Variants in ROBO2 observed in about 807,000 individuals in gnomAD.
ROBO2 encodes roundabout guidance receptor 2.
A neutral mutation model predicts 160.8 loss-of-function variants in ROBO2; 53 were observed. The observed-to-expected ratio is 0.33, with a 90% CI of 0.26 to 0.41. The LOEUF (loss-of-function observed/expected upper bound fraction) is 0.41, where lower values mean the gene tolerates loss of function less well. ROBO2 is among the 10% of genes least tolerant of loss of function. The pLI is 1.00. For synonymous variants in ROBO2, 664 were observed against 611.7 expected, an observed-to-expected ratio of 1.09 and a Z score of -1.26; for missense variants, 1,577 against 1,722.4, an observed-to-expected ratio of 0.92 and a Z score of 1.49.
At chr3:77,074,605 G>A (rs1157676563) in intron 1 of ROBO2, among the ~76,000 whole-genome samples, 2 of 152,140 alleles carry the variant, frequency 1.3e-5, no homozygotes, top group African/African-American at 4.8e-5. Flanking sequence ...TGTCCTGGGT[G>A]AATTCATGAC....
At chr3:76,105,689 T>G (rs1490544174) in intron 2 of ROBO2, among the ~76,000 whole-genome samples, 1 of 152,080 alleles carries the variant, frequency 6.6e-6, no homozygotes, top group Non-Finnish European at 1.5e-5. Flanking sequence ...TAGAGTAACC[T>G]ACACGTTCAT....
At chr3:77,436,966 C>T (rs2079355025) in intron 2 of ROBO2, among the ~76,000 whole-genome samples, 2 of 151,958 alleles carry the variant, frequency 1.3e-5, no homozygotes, top group Admixed American at 1.3e-4. Context: ...TCTGTAATAG[C>T]AATCTTTGGA....
intron 2 of ROBO2, among the ~76,000 whole-genome samples, chr3:76,905,935 G>C (rs181762143): frequency 6.6e-6 from 1 of 151,966 alleles, no homozygotes; most frequent in Non-Finnish European, 1.5e-5. Context: ...TCTCTTAATG[G>C]CTTTATTTTT....
At chr3:77,423,076 T>C (rs1401609064) in intron 2 of ROBO2, among the ~76,000 whole-genome samples, 1 of 152,158 alleles carries the variant, frequency 6.6e-6, no homozygotes, top group Non-Finnish European at 1.5e-5. Context: ...TATAATGCTG[T>C]GCTAATATAA....
At chr3:77,207,212 T>G (rs535140291) in intron 2 of ROBO2, among the ~76,000 whole-genome samples, 2 of 152,330 alleles carry the variant, frequency 1.3e-5, no homozygotes, top group African/African-American at 4.8e-5. Flanking sequence ...ATCGTCTCTC[T>G]TATAAGAGAT....
At chr3:76,399,230 A>G (rs185028158) in intron 2 of ROBO2, among the ~76,000 whole-genome samples, 1 of 151,886 alleles carries the variant, frequency 6.6e-6, no homozygotes, top group African/African-American at 2.4e-5. Flanking sequence ...TGGGTAGTAA[A>G]TAAGATAAGT....
In ROBO2 at chr3:75,920,604, A is replaced by C. The variant is rs527686099; in HGVS notation, c.-14+13644A>C. 2.2e-4 allele frequency among the ~76,000 whole-genome samples: 33 copies of C among 152,148 alleles called. 1 individual carries two copies. The South Asian group carries it at 6.9e-3, about 32-fold the overall frequency. Reference sequence around the variant, plus strand: ...TCCTTGTTAATTTCCTGTCCTGTTGATCTGTCTAATATTGATAGTGGGTTG... The same window carrying C: ...TCCTTGTTAATTTCCTGTCCTGTTGCTCTGTCTAATATTGATAGTGGGTTG... On this transcript the variant is annotated intron_variant, in intron 1 of 26. Transcript: ENST00000487694.
At chr3:76,624,128 G>C (rs1009090959) in intron 2 of ROBO2, among the ~76,000 whole-genome samples, 2 of 151,942 alleles carry the variant, frequency 1.3e-5, no homozygotes, top group Non-Finnish European at 2.9e-5. Flanking sequence ...AATTGTGTAA[G>C]AATTAACTGC....
At chr3:77,127,850 G>A (rs1222178986) in intron 2 of ROBO2, among the ~76,000 whole-genome samples, 1 of 152,138 alleles carries the variant, frequency 6.6e-6, no homozygotes, top group African/African-American at 2.4e-5. Context: ...GTGTGTTGAG[G>A]TGAAAGACCA....
chr3:76,358,229 G>T (rs1350356011), intron 2 of ROBO2, among the ~76,000 whole-genome samples: 1 of 151,896 alleles, frequency 6.6e-6, no homozygotes, highest in African/African-American at 2.4e-5. Flanking sequence ...GCATATCCTA[G>T]AGATTTGCTT....
chr3:76,818,822 A>G (rs182734429), intron 2 of ROBO2, among the ~76,000 whole-genome samples: 1 of 152,054 alleles, frequency 6.6e-6, no homozygotes, highest in East Asian at 1.9e-4. Context: ...CCATGTGCCT[A>G]TTTTTATATC....
At chr3:77,573,210 C>CG (rs1354859837) in intron 13 of ROBO2, among the ~76,000 whole-genome samples, 10 of 151,886 alleles carry the variant, frequency 6.6e-5, no homozygotes, top group Admixed American at 6.6e-4. Context: ...AAAAACATGA[C>CG]AAAGTATTAA....
intron 2 of ROBO2, among the ~76,000 whole-genome samples, chr3:76,382,157 G>T (rs781741607): frequency 6.6e-6 from 1 of 152,098 alleles, no homozygotes; most frequent in Admixed American, 6.5e-5. Context: ...TGGTAGAAAC[G>T]AGGTTTTGCC....
At chr3:76,619,858 T>C (rs533741433) in intron 2 of ROBO2, among the ~76,000 whole-genome samples, 1 of 152,302 alleles carries the variant, frequency 6.6e-6, no homozygotes, top group Admixed American at 6.5e-5. Context: ...AAACAGTTCT[T>C]TTTCCTGATT....
chr3:75,962,392 A>T (rs942731097), intron 2 of ROBO2, among the ~76,000 whole-genome samples: 2 of 151,852 alleles, frequency 1.3e-5, no homozygotes, highest in Admixed American at 1.3e-4. Context: ...GTCAATGGAA[A>T]GAATATGACC....
chr3:76,814,113 C>A (rs1182524330), intron 2 of ROBO2, among the ~76,000 whole-genome samples: 1 of 152,006 alleles, frequency 6.6e-6, no homozygotes, highest in Non-Finnish European at 1.5e-5. Context: ...AAATTAAAAA[C>A]GAAGTATCCG....
intron 2 of ROBO2, among the ~76,000 whole-genome samples, chr3:76,339,327 T>C (rs2074076801): frequency 6.6e-6 from 1 of 152,162 alleles, no homozygotes; most frequent in South Asian, 2.1e-4. Context: ...TGCTGCAAGG[T>C]TTCATTTTAC....
intron 2 of ROBO2, among the ~76,000 whole-genome samples, chr3:77,442,199 C>G (rs1416008931): frequency 1.3e-5 from 2 of 152,018 alleles, no homozygotes; most frequent in African/African-American, 4.8e-5. Context: ...GTAGTCCCAG[C>G]TACTCGGGAG....
At chr3:77,610,525 G>T (rs1167563606) in intron 21 of ROBO2, among the ~76,000 whole-genome samples, 2 of 152,012 alleles carry the variant, frequency 1.3e-5, no homozygotes, top group African/African-American at 2.4e-5. Flanking sequence ...GTTTTGAGGT[G>T]AATCTAGAAT....
Sources: gnomAD v4.1 joint callset for allele counts (sites outside exome capture counted in the v4.1 genomes callset) on GRCh38, gnomAD v4.1.1 for gene constraint, MANE v1.5 for transcripts, NCBI Gene and HGNC (gene_info 2026-07-23, HGNC 2026-07-21) for gene names.